Variants in TMEM259 observed in about 807,000 individuals in gnomAD.
TMEM259 encodes the protein transmembrane protein 259.
TMEM259 carries 26 observed loss-of-function variants against 46.7 expected under a neutral mutation model. The ratio of observed to expected loss-of-function variants is 0.56; its 90% confidence interval spans 0.41 to 0.77. The LOEUF is 0.77. Among genes scored for constraint, TMEM259 ranks in the 30% least tolerant of loss-of-function variants. TMEM259 has a pLI of 0.00. For synonymous variants in TMEM259, 494 were observed against 395.1 expected, an observed-to-expected ratio of 1.25 and a Z score of -2.97; for missense variants, 930 against 900.5, an observed-to-expected ratio of 1.03 and a Z score of -0.42.
At chr19:1,015,582 C>T (rs541058455) in intron 1 of TMEM259, among the ~76,000 whole-genome samples, 10 of 152,200 alleles carry the variant, frequency 6.6e-5, no homozygotes, top group Non-Finnish European at 8.8e-5. Context: ...AGGGTCACGT[C>T]TACCTGCTGC....
intron 1 of TMEM259, among the ~76,000 whole-genome samples, chr19:1,019,269 G>A (rs1053272491): frequency 3.3e-5 from 5 of 152,186 alleles, no homozygotes; most frequent in African/African-American, 1.2e-4. Flanking sequence ...TCCGTCGGGG[G>A]AACCTGGCCT....
At position 1,010,364 on chromosome 19, in the gene TMEM259, C is replaced by T; in HGVS notation, c.1849G>A (p.Glu617Lys). Residue 617 changes from glutamate (E) to lysine (K), a missense_variant, in exon 11 of 11, where the codon GAG becomes AAG. Transcript: ENST00000356663. The stretch of plus-strand genomic sequence containing the variant: ...AGCTGTGCGGCTCAGGACCCCACCT[C>T]CGAGGGCGCCTCCGTTGGGGCCATG... ...ASMAPTEAPS[E>K]VGS 1 of 1,492,882 alleles carries T rather than the reference C, an allele frequency of 6.7e-7. No individual in the cohort carries two copies. Among genetic ancestry groups the T allele is most frequent in the Non-Finnish European group, 8.9e-7 (1 of 1,129,240 alleles). 92.5% of individuals were successfully genotyped at this position (1,492,882 alleles called of 1,614,324 possible).
intron 4 of TMEM259, 120 bp downstream of exon 4, chr19:1,012,343 G>A (rs1267086979): frequency 4.0e-6 from 6 of 1,496,036 alleles, no homozygotes; most frequent in Non-Finnish European, 5.3e-6. Context: ...AGCGTGCCTG[G>A]GGCGGGGCAG....
At chr19:1,019,720 G>A (rs751060446) in intron 1 of TMEM259, among the ~76,000 whole-genome samples, 6 of 152,168 alleles carry the variant, frequency 3.9e-5, no homozygotes, top group African/African-American at 7.2e-5. Context: ...AGCCTGGCCC[G>A]CCAGCATCGG....
At chr19:1,012,261 A>C in intron 4 of TMEM259, 73 bp from the exon 5 acceptor site, 1 of 1,541,284 alleles carries the variant, frequency 6.5e-7, no homozygotes, top group Non-Finnish European at 8.8e-7. Flanking sequence ...AGCTGGCTCC[A>C]TTGCTGAGGC....
rs2038829473 is a variant in TMEM259 at position 1,009,671 on chromosome 19, T to C, written c.*679A>G. ...AGTGAGCCGCTGTCAACAGACAGTT[T>C]ATTCTATATACAAACACAATTTTGT... On this transcript the variant is annotated 3_prime_UTR_variant, in exon 11 of 11. Coordinates refer to ENST00000356663, the MANE Select transcript of TMEM259 (RefSeq NM_001033026.2). The C allele has an allele frequency of 4.9e-6, 6 of 1,222,580 alleles. No individual in the cohort carries two copies. The highest frequency in any genetic ancestry group is 4.3e-6 in the Non-Finnish European group (4 of 940,994). The allele number at this position is 1,222,580 out of a possible 1,614,324, so 75.7% of individuals were successfully genotyped here. A position where few individuals can be genotyped will look rare whatever the true frequency, so the allele number is the denominator to read the frequency against.
chr19:1,014,821 C>T (rs979047780), intron 1 of TMEM259, among the ~76,000 whole-genome samples: 3 of 152,180 alleles, frequency 2.0e-5, no homozygotes, highest in South Asian at 2.1e-4. Flanking sequence ...GCCAGCAGGC[C>T]GGGGCCCTCT....
rs1187600471 is a variant in TMEM259 at position 1,010,944 on chromosome 19, C to T, written c.1318-49G>A. ...AGGACGGGCCCGCCCCTGCCCCACC[C>T]AGCCGCTGCTCCCAGAGGGCAGCCC... On this transcript the variant is annotated intron_variant, in intron 10 of 10. Transcript: ENST00000356663. 4 of 1,566,906 alleles carry T rather than the reference C, an allele frequency of 2.6e-6. No individual in the cohort carries two copies. The South Asian group carries it at 3.4e-5, about 13-fold the overall frequency.
At chr19:1,010,973 CG>C in intron 10 of TMEM259, 78 bp from the exon 11 acceptor site, 1 of 1,552,516 alleles carries the variant, frequency 6.4e-7, no homozygotes, top group Non-Finnish European at 8.6e-7. Context: ...GCAGCCCACC[CG>C]GGACCATCCA....
intron 8 of TMEM259, 32 bp downstream of exon 8, chr19:1,011,548 G>A (rs372059182): frequency 5.5e-4 from 854 of 1,541,160 alleles, no homozygotes; most frequent in Non-Finnish European, 6.9e-4. Flanking sequence ...GGGGTGCAGC[G>A]CGGGGCGGGG....
chr19:1,012,330 G>C (rs979564517), intron 4 of TMEM259, 133 bp downstream of exon 4: 112 of 1,496,348 alleles, frequency 7.5e-5, no homozygotes, highest in Non-Finnish European at 9.0e-5. Context: ...CCCAGCCCTG[G>C]GAAGCGTGCC....
In TMEM259 at chr19:1,010,317, C is replaced by G; in HGVS notation, c.*33G>C. ...CGGGCTCGGGAAGGTCAGGCCCAGC[C>G]AGCAGGGGTCAGAGGCGGCTCAGCT... On this transcript the variant is annotated 3_prime_UTR_variant, in exon 11 of 11. Coordinates refer to ENST00000356663, the MANE Select transcript of TMEM259 (RefSeq NM_001033026.2). 1 of 1,438,446 alleles carries G rather than the reference C, an allele frequency of 7.0e-7. No individual in the cohort carries two copies. The highest frequency in any genetic ancestry group is 9.1e-7 in the Non-Finnish European group (1 of 1,104,646). 89.1% of individuals were successfully genotyped at this position (1,438,446 alleles called of 1,614,324 possible). A position where few individuals can be genotyped will look rare whatever the true frequency, so the allele number is the denominator to read the frequency against.
chr19:1,012,716 T>C, intron 3 of TMEM259, 143 bp from the exon 4 acceptor site: 1 of 1,120,926 alleles, frequency 8.9e-7, no homozygotes, highest in Non-Finnish European at 1.2e-6. Flanking sequence ...GACCCCTACA[T>C]GGACACTTGG....
At chr19:1,014,825 G>T (rs923627575) in intron 1 of TMEM259, among the ~76,000 whole-genome samples, 4 of 152,182 alleles carry the variant, frequency 2.6e-5, no homozygotes, top group Non-Finnish European at 5.9e-5. Flanking sequence ...GCAGGCCGGG[G>T]CCCTCTCAGA....
rs915337659 is a variant in TMEM259 at position 1,010,193 on chromosome 19, G to C, written c.*157C>G. On this transcript the variant is annotated 3_prime_UTR_variant, in exon 11 of 11. Transcript: ENST00000356663. ...GGGCGCGACCTCACACCAGGGGGAGGAAAGCCGCCTTCCGGGCAAACCCCA... is the reference window on the plus strand; with the variant it reads ...GGGCGCGACCTCACACCAGGGGGAGCAAAGCCGCCTTCCGGGCAAACCCCA... 1.5e-6 allele frequency: 1 copy of C among 689,462 alleles called. No individual in the cohort carries two copies. Among genetic ancestry groups the C allele is most frequent in the Non-Finnish European group, 2.2e-6 (1 of 447,202 alleles). 42.7% of individuals were successfully genotyped at this position (689,462 alleles called of 1,614,324 possible).
chr19:1,012,432 G>T, intron 4 of TMEM259, 31 bp downstream of exon 4: 1 of 1,556,810 alleles, frequency 6.4e-7, no homozygotes, highest in East Asian at 2.4e-5. Context: ...CCCCGCCATG[G>T]AGCTCCCCAA....
Position 1,010,278 on chromosome 19 carries a change from C to A in TMEM259, c.*72G>T, listed in dbSNP as rs971447627. 20 of 1,333,362 alleles carry A rather than the reference C, an allele frequency of 1.5e-5. No homozygotes were observed. Among genetic ancestry groups the A allele is most frequent in the Non-Finnish European group, 1.9e-5 (19 of 1,025,834 alleles). 82.6% of individuals were successfully genotyped at this position (1,333,362 alleles called of 1,614,324 possible). A position where few individuals can be genotyped will look rare whatever the true frequency, so the allele number is the denominator to read the frequency against. On this transcript the variant is annotated 3_prime_UTR_variant, in exon 11 of 11. Coordinates refer to ENST00000356663, the MANE Select transcript of TMEM259 (RefSeq NM_001033026.2). ...GTCCCAGAGGAAGGAGGTGGCTGGCCTCCCCCACCCCCACGGGCTCGGGAA... is the reference window on the plus strand; with the variant it reads ...GTCCCAGAGGAAGGAGGTGGCTGGCATCCCCCACCCCCACGGGCTCGGGAA...
In TMEM259 at chr19:1,020,209, G is replaced by A. The variant is rs2039242974; in HGVS notation, c.225+563C>T. 9.2e-6 allele frequency among the ~76,000 whole-genome samples: 1 copy of A among 108,548 alleles called. No individual in the cohort carries two copies. The highest frequency in any genetic ancestry group is 2.9e-4 in the South Asian group (1 of 3,484). 71.2% of individuals were successfully genotyped at this position (108,548 alleles called of 152,430 possible). A position where few individuals can be genotyped will look rare whatever the true frequency, so the allele number is the denominator to read the frequency against. ...CATTCCCCTGAGGCTCAGGAGCGGG[G>A]AACGCAGCTGAAAGGCTACAAGGAG... On this transcript the variant is annotated intron_variant, in intron 1 of 10. Transcript: ENST00000356663. The surrounding 1 kb of genome is among the most constrained non-coding windows in gnomAD (Gnocchi z 4.0).
intron 1 of TMEM259, chr19:1,017,379 G>A: frequency 2.5e-6 from 1 of 399,574 alleles, no homozygotes; most frequent in Non-Finnish European, 4.4e-6. Flanking sequence ...CCATGACCCT[G>A]TCCCTGACCC....
Sources: gnomAD v4.1 joint callset for allele counts (sites outside exome capture counted in the v4.1 genomes callset) on GRCh38, gnomAD v4.1.1 for gene constraint, Gnocchi (gnomAD v3.1) non-coding constraint, MANE v1.5 for transcripts, NCBI Gene and HGNC (gene_info 2026-07-23, HGNC 2026-07-21) for gene names.